The following ZWILCH variants were observed in gnomAD, a reference collection of about 807,000 sequenced individuals.
ZWILCH encodes protein zwilch homolog.
A neutral mutation model predicts 79.9 loss-of-function variants in ZWILCH; 74 were observed. The ratio of observed to expected loss-of-function variants is 0.93; its 90% confidence interval spans 0.77 to 1.12. The LOEUF (loss-of-function observed/expected upper bound fraction) is 1.12. Ranked by LOEUF, ZWILCH falls within the 50% of genes most tolerant of loss-of-function variation. The probability of loss-of-function intolerance (pLI) is 0.00; values close to 1 mark genes in which losing one functional copy is unlikely to be tolerated. For missense variants in ZWILCH, 694 were observed against 687.5 expected (o/e 1.01, Z -0.11); for synonymous variants, 241 against 228.2 (o/e 1.06, Z -0.51).
chr15:66,532,670 T>TA (rs1001506497), intron 13 of ZWILCH, among the ~76,000 whole-genome samples: 4 of 151,974 alleles, frequency 2.6e-5, no homozygotes, highest in African/African-American at 7.2e-5. Flanking sequence ...GTATTTTAAA[T>TA]AAAAAAATCC....
At chr15:66,535,834 C>A in intron 14 of ZWILCH, 99 bp from the exon 15 acceptor site, 8 of 961,304 alleles carry the variant, frequency 8.3e-6, no homozygotes, top group Non-Finnish European at 1.0e-5. Context: ...TGCCTGTTAT[C>A]AAGCATCCAA....
At chr15:66,526,108 A>G (rs1894665340) in intron 8 of ZWILCH, among the ~76,000 whole-genome samples, 1 of 152,082 alleles carries the variant, frequency 6.6e-6, no homozygotes, top group Non-Finnish European at 1.5e-5. Context: ...GTGGGAGATG[A>G]TAGCATTTCA....
chr15:66,527,295 G>A lies in ZWILCH; in HGVS notation c.825G>A (p.Leu275=). The A allele has an allele frequency of 1.2e-6, 2 of 1,613,802 alleles. No homozygotes were observed. Among genetic ancestry groups the A allele is most frequent in the Non-Finnish European group, 1.7e-6 (2 of 1,179,816 alleles). The change falls in exon 9 of 19, where the codon TTG becomes TTA. Residue 275 remains leucine, a synonymous_variant. Transcript: ENST00000307897. ...LYRELKFLLV[L]ADGLRTGVTE... is the part of the protein sequence containing the mutation. Reference sequence around the variant, plus strand: ...GGTTTTTAAATCTCCTGTAGGTTTTGGCTGATGGTTTGAGGACTGGTGTCA... The same window carrying A: ...GGTTTTTAAATCTCCTGTAGGTTTTAGCTGATGGTTTGAGGACTGGTGTCA...
At chr15:66,520,035 C>T (rs1191522864) in intron 5 of ZWILCH, among the ~76,000 whole-genome samples, 1 of 152,080 alleles carries the variant, frequency 6.6e-6, no homozygotes, top group Non-Finnish European at 1.5e-5. Context: ...GTCTCAAACT[C>T]AGCCTGAAGC....
Position 66,536,002 on chromosome 15 carries a change from C to G in ZWILCH, c.1411C>G (p.Leu471Val), listed in dbSNP as rs1895003862. 3 of 1,612,832 alleles carry G rather than the reference C, an allele frequency of 1.9e-6. No homozygotes were observed. The part of the protein sequence containing the change: ...VYRVQKLHHI[L>V]EILVSCMPFI... ...TCGTGTCCAAAAACTCCACCATATT[C>G]TAGAAATATTAGTCAGTTGCATGCC... Residue 471 changes from leucine (L) to valine (V), a missense_variant, in exon 15 of 19, where the codon CTA becomes GTA. Coordinates refer to ENST00000307897, the MANE Select transcript of ZWILCH (RefSeq NM_017975.5).
At chr15:66,510,973 ATTT>A (rs1194787533) in intron 2 of ZWILCH, among the ~76,000 whole-genome samples, 2 of 152,204 alleles carry the variant, frequency 1.3e-5, no homozygotes, top group Non-Finnish European at 2.9e-5. Flanking sequence ...GTAAAGTCAC[ATTT>A]ATAGGAACTG....
At chr15:66,508,739 C>T in intron 1 of ZWILCH, 102 bp from the exon 2 acceptor site, 7 of 1,536,218 alleles carry the variant, frequency 4.6e-6, no homozygotes, top group Admixed American at 4.2e-5. Flanking sequence ...TTTTGCCTTT[C>T]CTATAGGTGT....
At chr15:66,513,881 C>A in intron 2 of ZWILCH, 107 bp from the exon 3 acceptor site, 1 of 849,480 alleles carries the variant, frequency 1.2e-6, no homozygotes, top group Non-Finnish European at 1.8e-6. Flanking sequence ...GAGACTCTGT[C>A]TCTTAAGGAA....
chr15:66,535,380 A>T (rs1460078398), intron 14 of ZWILCH, among the ~76,000 whole-genome samples: 1 of 152,218 alleles, frequency 6.6e-6, no homozygotes, highest in Non-Finnish European at 1.5e-5. Context: ...TTGTGATCTT[A>T]TAAGACCACT....
intron 4 of ZWILCH, among the ~76,000 whole-genome samples, 158 bp downstream of exon 4, chr15:66,515,802 A>G (rs144930771): frequency 5.9e-5 from 9 of 152,242 alleles, no homozygotes; most frequent in Non-Finnish European, 1.0e-4. Flanking sequence ...CTACTTGAAT[A>G]TTTGATAGGT....
At chr15:66,531,201 A>G (rs1387803554) in intron 12 of ZWILCH, among the ~76,000 whole-genome samples, 1 of 152,190 alleles carries the variant, frequency 6.6e-6, no homozygotes, top group Non-Finnish European at 1.5e-5. Context: ...GCCAATGAGG[A>G]GTTCCTTATG....
Position 66,549,847 on chromosome 15 carries a change from C to A in ZWILCH, c.*1523C>A, listed in dbSNP as rs1895532166. On this transcript the variant is annotated 3_prime_UTR_variant, in exon 19 of 19. Transcript: ENST00000307897. ...TGGATAAAATGGATAAAATGTTTAT[C>A]TTTCATGGTAGATTAAATGCTTTAA... The A allele has an allele frequency of 2.3e-6, 1 of 427,712 alleles. No individual in the cohort carries two copies. Among genetic ancestry groups the A allele is most frequent in the Non-Finnish European group, 4.2e-6 (1 of 237,812 alleles). 26.5% of individuals were successfully genotyped at this position (427,712 alleles called of 1,614,324 possible).
At chr15:66,536,836 C>G (rs1041225392) in intron 15 of ZWILCH, among the ~76,000 whole-genome samples, 1 of 151,894 alleles carries the variant, frequency 6.6e-6, no homozygotes, top group Admixed American at 6.6e-5. Context: ...TCTCTTCTGC[C>G]TCTTTTTTTT....
chr15:66,518,439 C>G (rs1165543944), intron 4 of ZWILCH, among the ~76,000 whole-genome samples: 1 of 151,956 alleles, frequency 6.6e-6, no homozygotes, highest in Non-Finnish European at 1.5e-5. Context: ...CGCCACTACA[C>G]CAGGCTAATT....
intron 12 of ZWILCH, 50 bp downstream of exon 12, chr15:66,529,623 T>G: frequency 7.0e-7 from 1 of 1,420,668 alleles, no homozygotes; most frequent in Non-Finnish European, 9.9e-7. Flanking sequence ...CATAGCATGA[T>G]GTAAAGACAC....
Position 66,517,430 on chromosome 15 carries a change from G to GTGTGTGTA in ZWILCH, c.321-1448_321-1447insGTGTGTAT. Reference sequence around the variant, plus strand: ...TGTTTGTGTGTGCGTGTGTGTGTGTGTATATATATATATATATATATATAT... The same window carrying GTGTGTGTA: ...TGTTTGTGTGTGCGTGTGTGTGTGTGTGTGTGTATATATATATATATATATATATATAT... On this transcript the variant is annotated intron_variant, in intron 4 of 18. Transcript: ENST00000307897. 5.4e-3 allele frequency among the ~76,000 whole-genome samples: 359 copies of GTGTGTGTA among 66,516 alleles called. 3 individuals carry two copies. The highest frequency in any genetic ancestry group is 0.049 in the South Asian group (100 of 2,048). 43.6% of individuals were successfully genotyped at this position (66,516 alleles called of 152,430 possible).
At chr15:66,532,145 T>C (rs1338344534) in intron 12 of ZWILCH, 102 bp from the exon 13 acceptor site, 4 of 870,816 alleles carry the variant, frequency 4.6e-6, no homozygotes, top group Non-Finnish European at 6.7e-6. Context: ...GAATGCAAGC[T>C]TATAATTTTT....
intron 10 of ZWILCH, 67 bp downstream of exon 10, chr15:66,527,979 C>A: frequency 1.5e-6 from 2 of 1,365,226 alleles, no homozygotes; most frequent in Admixed American, 2.4e-5. Flanking sequence ...ATGCTGACAT[C>A]TTTCATGTTG....
Position 66,532,992 on chromosome 15 carries a change from A to G in ZWILCH, c.1320A>G (p.Glu440=). The G allele has an allele frequency of 6.3e-7, 1 of 1,577,826 alleles. No homozygotes were observed. Among genetic ancestry groups the G allele is most frequent in the Non-Finnish European group, 8.6e-7 (1 of 1,159,446 alleles). ...KDYISFFIGQ[E]LASLNHLEYF... Reference sequence around the variant, plus strand: ...TGTGTTTTTTCTTAATAGGTCAGGAACTTGCATCTTTGAATCATTTGGTGA... The same window carrying G: ...TGTGTTTTTTCTTAATAGGTCAGGAGCTTGCATCTTTGAATCATTTGGTGA... The change falls in exon 14 of 19, where the codon GAA becomes GAG. Residue 440 remains glutamate (E), a synonymous_variant. Transcript: ENST00000307897.
Sources: allele counts gnomAD v4.1 joint callset (sites outside exome capture counted in the v4.1 genomes callset), GRCh38; gene constraint gnomAD v4.1.1; transcripts MANE v1.5; gene names NCBI Gene and HGNC (gene_info 2026-07-23, HGNC 2026-07-21).